EP300: variants seen among roughly 807,000 people sequenced by gnomAD.
The protein encoded by EP300 is histone acetyltransferase p300.
In EP300, 31 loss-of-function variants were observed where a neutral mutation model predicts 264.0. That is an observed-to-expected ratio of 0.12 (90% CI 0.09 to 0.16). The LOEUF (loss-of-function observed/expected upper bound fraction) is 0.16, where lower values mean the gene tolerates loss of function less well. EP300 is among the 10% of genes least tolerant of loss of function. EP300 has a pLI of 1.00. For missense variants in EP300, 2,766 were observed against 3,052.9 expected, an observed-to-expected ratio of 0.91 and a Z score of 2.21; for synonymous variants, 1,340 against 1,045.4, an observed-to-expected ratio of 1.28 and a Z score of -5.44.
chr22:41,133,648 G>C (rs943586268), intron 6 of EP300, among the ~76,000 whole-genome samples: 4 of 152,112 alleles, frequency 2.6e-5, no homozygotes, highest in African/African-American at 9.7e-5. Context: ...CTGTATTTGG[G>C]ATGCCAACCA....
intron 29 of EP300, among the ~76,000 whole-genome samples, chr22:41,174,426 T>G (rs907200725): frequency 7.9e-5 from 12 of 152,108 alleles, no homozygotes; most frequent in African/African-American, 2.9e-4. Context: ...ATAAAAAGAT[T>G]TAACCTTTCT....
At chr22:41,133,153 C>CG (rs1162093270) in intron 6 of EP300, among the ~76,000 whole-genome samples, 1 of 37,048 alleles carries the variant, frequency 2.7e-5, no homozygotes, top group Admixed American at 4.3e-4. Context: ...CTAAGATTAT[C>CG]CCCCCCCCCA....
intron 2 of EP300, among the ~76,000 whole-genome samples, chr22:41,123,615 A>G (rs1258174806): frequency 6.6e-6 from 1 of 152,204 alleles, no homozygotes; most frequent in Non-Finnish European, 1.5e-5. Flanking sequence ...GCAGACAGAA[A>G]TCTGGTATGA....
At chr22:41,137,492 A>G (rs2058958348) in intron 7 of EP300, among the ~76,000 whole-genome samples, 161 bp from the exon 8 acceptor site, 1 of 152,162 alleles carries the variant, frequency 6.6e-6, no homozygotes, top group Non-Finnish European at 1.5e-5. Flanking sequence ...TGCACAGTTT[A>G]AAATCAGTCT....
At chr22:41,150,456 T>G (rs2059037559) in intron 14 of EP300, among the ~76,000 whole-genome samples, 2 of 152,202 alleles carry the variant, frequency 1.3e-5, no homozygotes, top group African/African-American at 4.8e-5. Flanking sequence ...GGTCTGAAGG[T>G]ACGTAAAGGG....
rs142021682 is a variant in EP300 at position 41,098,040 on chromosome 22, G to A, written c.94+4942G>A. 4.8e-3 allele frequency among the ~76,000 whole-genome samples: 729 copies of A among 151,582 alleles called. 4 individuals are homozygous for A. Among genetic ancestry groups the A allele is most frequent in the Middle Eastern group, 0.01 (3 of 294 alleles). On this transcript the variant is annotated intron_variant, in intron 1 of 30. Transcript: ENST00000263253. ...TACTTTTAAGTTTTAGGATACATGT[G>A]CACAACGTGCAGGTTTGTCACATAT...
Position 41,092,972 on chromosome 22 carries a change from T to G in EP300, c.-33T>G, listed in dbSNP as rs754525310. 6 of 1,612,890 alleles carry G rather than the reference T, an allele frequency of 3.7e-6. No homozygotes were observed. Among genetic ancestry groups the G allele is most frequent in the Non-Finnish European group, 5.1e-6 (6 of 1,178,970 alleles). ...AGAAGAGATTTCCTGAGGATTCTGG[T>G]TTTCCTCGCTTGTATCTCCGAAAGA... On this transcript the variant is annotated 5_prime_UTR_variant, in exon 1 of 31. Transcript: ENST00000263253.
At chr22:41,110,207 A>C (rs2058781700) in intron 1 of EP300, among the ~76,000 whole-genome samples, 1 of 135,738 alleles carries the variant, frequency 7.4e-6, no homozygotes, top group African/African-American at 2.8e-5. Context: ...AGCGCACTGC[A>C]GCCTCAACCT....
chr22:41,161,510 G>A (rs370522445), intron 20 of EP300, among the ~76,000 whole-genome samples: 2 of 152,112 alleles, frequency 1.3e-5, no homozygotes, highest in Admixed American at 6.6e-5. Context: ...CCAGCTACTC[G>A]GGAGGCTGAG....
intron 4 of EP300, 57 bp downstream of exon 4, chr22:41,127,805 G>A (rs2145710603): frequency 6.2e-7 from 1 of 1,604,488 alleles, no homozygotes. Context: ...GGGAGAAGAA[G>A]GAAAATGTGA....
Position 41,092,640 on chromosome 22 carries a change from G to A in EP300, c.-365G>A. On this transcript the variant is annotated 5_prime_UTR_variant, in exon 1 of 31. Coordinates refer to ENST00000263253, the MANE Select transcript of EP300 (RefSeq NM_001429.4). ...GGAGGAAGAGGTTGATGGCGGCGGC[G>A]GAGCTCCGAGAGACCTCGGCTGGGC... 1 of 630,664 alleles carries A rather than the reference G, an allele frequency of 1.6e-6. No individual in the cohort carries two copies. Among genetic ancestry groups the A allele is most frequent in the Non-Finnish European group, 2.9e-6 (1 of 348,408 alleles). The allele number at this position is 630,664 out of a possible 1,614,324, so 39.1% of individuals were successfully genotyped here.
In EP300 at chr22:41,092,881, A is replaced by G. The variant is rs879132169; in HGVS notation, c.-124A>G. Reference sequence around the variant, plus strand: ...GCGAAGAGAAAAAGGAACTTCCCCCACCCCCTCGGGTGCCGTCGGAGCCCC... The same window carrying G: ...GCGAAGAGAAAAAGGAACTTCCCCCGCCCCCTCGGGTGCCGTCGGAGCCCC... On this transcript the variant is annotated 5_prime_UTR_variant, in exon 1 of 31. Coordinates refer to ENST00000263253, the MANE Select transcript of EP300 (RefSeq NM_001429.4). The G allele has an allele frequency of 9.9e-7, 1 of 1,005,806 alleles. No individual in the cohort carries two copies. Among genetic ancestry groups the G allele is most frequent in the Non-Finnish European group, 1.6e-6 (1 of 631,172 alleles). 62.3% of individuals were successfully genotyped at this position (1,005,806 alleles called of 1,614,324 possible). A position where few individuals can be genotyped will look rare whatever the true frequency, so the allele number is the denominator to read the frequency against.
intron 10 of EP300, among the ~76,000 whole-genome samples, chr22:41,143,763 G>C (rs1299018984): frequency 6.6e-6 from 1 of 152,106 alleles, no homozygotes; most frequent in Non-Finnish European, 1.5e-5. Context: ...TTTCAGTAGA[G>C]ACAGGGTTTC....
At chr22:41,110,061 G>A (rs1042859571) in intron 1 of EP300, among the ~76,000 whole-genome samples, 1 of 148,934 alleles carries the variant, frequency 6.7e-6, no homozygotes, top group African/African-American at 2.5e-5. Context: ...TGCTCGCCTC[G>A]GCCTCCCAAA....
intron 26 of EP300, among the ~76,000 whole-genome samples, chr22:41,169,971 T>TA (rs1445212427): frequency 6.6e-6 from 1 of 152,232 alleles, no homozygotes; most frequent in Non-Finnish European, 1.5e-5. Flanking sequence ...AGATACTTCT[T>TA]ACCTTTAGAG....
At chr22:41,122,785 G>T (rs142973113) in intron 2 of EP300, among the ~76,000 whole-genome samples, 1 of 152,058 alleles carries the variant, frequency 6.6e-6, no homozygotes, top group Non-Finnish European at 1.5e-5. Context: ...GCCAGGCATG[G>T]TGGGAGATGC....
intron 2 of EP300, among the ~76,000 whole-genome samples, chr22:41,118,933 T>C (rs1040345885): frequency 1.3e-5 from 2 of 151,618 alleles, no homozygotes; most frequent in Admixed American, 1.3e-4. Context: ...GCTGCGAGAA[T>C]ATTGACAAGT....
At chr22:41,126,092 G>A (rs1407686388) in intron 3 of EP300, 52 bp downstream of exon 3, 4 of 1,579,692 alleles carry the variant, frequency 2.5e-6, no homozygotes, top group African/African-American at 2.7e-5. Context: ...TTTGACAAAA[G>A]AATTGTGTTA....
intron 6 of EP300, among the ~76,000 whole-genome samples, chr22:41,135,142 C>A (rs1208434663): frequency 6.6e-6 from 1 of 152,150 alleles, no homozygotes; most frequent in Non-Finnish European, 1.5e-5. Context: ...CTTCGTGATC[C>A]GCCCACCTCG....
Sources: gnomAD v4.1 joint callset for allele counts (sites outside exome capture counted in the v4.1 genomes callset) on GRCh38, gnomAD v4.1.1 for gene constraint, MANE v1.5 for transcripts, NCBI Gene and HGNC (gene_info 2026-07-23, HGNC 2026-07-21) for gene names.